CCDC102B: variants seen among roughly 807,000 people sequenced by gnomAD.
CCDC102B encodes coiled-coil domain containing 102B.
Under a neutral mutation model 57.4 loss-of-function variants are expected in CCDC102B, and 75 were observed. The ratio of observed to expected loss-of-function variants is 1.31; its 90% confidence interval spans 1.08 to 1.58. The LOEUF is 1.58. CCDC102B is among the 40% of genes most tolerant of loss of function. The pLI is 0.00. For missense variants in CCDC102B, 636 were observed against 582.6 expected (o/e 1.09, Z -0.94); for synonymous variants, 206 against 201.9 (o/e 1.02, Z -0.17).
At chr18:68,742,660 A>G (rs2033442412) in intron 2 of CCDC102B, among the ~76,000 whole-genome samples, 2 of 152,230 alleles carry the variant, frequency 1.3e-5, no homozygotes, top group African/African-American at 4.8e-5. Context: ...GCTGAAAGAA[A>G]TAATTTTCTC....
intron 6 of CCDC102B, among the ~76,000 whole-genome samples, chr18:68,940,722 C>T (rs1360613804): frequency 6.6e-6 from 1 of 151,736 alleles, no homozygotes; most frequent in African/African-American, 2.4e-5. Context: ...TTTATAATGG[C>T]TATATATATA....
intron 6 of CCDC102B, among the ~76,000 whole-genome samples, chr18:69,009,993 G>T (rs2051464933): frequency 7.9e-6 from 1 of 127,384 alleles, no homozygotes; most frequent in African/African-American, 2.8e-5. Flanking sequence ...GTGCTGTGGC[G>T]CTATCTCGGC....
intron 4 of CCDC102B, among the ~76,000 whole-genome samples, chr18:68,870,204 T>G: frequency 6.6e-6 from 1 of 151,096 alleles, no homozygotes; most frequent in Non-Finnish European, 1.5e-5. Context: ...AGGGGGTGGG[T>G]GGGGGAAAGG....
At chr18:68,850,731 C>T (rs186184826) in intron 4 of CCDC102B, among the ~76,000 whole-genome samples, 1 of 152,000 alleles carries the variant, frequency 6.6e-6, no homozygotes, top group African/African-American at 2.4e-5. Flanking sequence ...CCACGCTTAC[C>T]TCTAGCTACA....
chr18:68,952,247 T>A (rs1404697491), intron 6 of CCDC102B, among the ~76,000 whole-genome samples: 1 of 152,038 alleles, frequency 6.6e-6, no homozygotes, highest in Non-Finnish European at 1.5e-5. Flanking sequence ...TAAATTTAAA[T>A]ATGACAAATT....
At chr18:68,976,552 T>C (rs1276674994) in intron 6 of CCDC102B, among the ~76,000 whole-genome samples, 1 of 152,018 alleles carries the variant, frequency 6.6e-6, no homozygotes, top group Non-Finnish European at 1.5e-5. Flanking sequence ...ATGTCGAATG[T>C]TGGCCACATT....
rs1055514714 is a variant in CCDC102B at position 68,891,915 on chromosome 18, T to C, written c.1054-5304T>C. On this transcript the variant is annotated intron_variant, in intron 5 of 7. Coordinates refer to ENST00000360242, the MANE Select transcript of CCDC102B (RefSeq NM_024781.3). ...ATTGGGGGGTACACAATTCAGTCCA[T>C]AACAGTTGGGTAGGATTTTCCAGGG... 1.3e-5 allele frequency among the ~76,000 whole-genome samples: 2 copies of C among 152,126 alleles called. 1 individual carries two copies. Among genetic ancestry groups the C allele is most frequent in the African/African-American group, 4.8e-5 (2 of 41,432 alleles).
At chr18:68,948,952 C>A (rs1228798934) in intron 6 of CCDC102B, among the ~76,000 whole-genome samples, 2 of 152,096 alleles carry the variant, frequency 1.3e-5, no homozygotes, top group African/African-American at 4.8e-5. Context: ...AATAGGATGT[C>A]TGCAAGCTTG....
At chr18:68,956,932 G>A (rs935227937) in intron 6 of CCDC102B, among the ~76,000 whole-genome samples, 4 of 151,692 alleles carry the variant, frequency 2.6e-5, no homozygotes, top group Non-Finnish European at 4.4e-5. Context: ...GTCTTCTTTT[G>A]AGGAATGTCT....
chr18:68,876,364 G>A (rs780839205), intron 5 of CCDC102B, among the ~76,000 whole-genome samples: 1 of 152,094 alleles, frequency 6.6e-6, no homozygotes, highest in East Asian at 1.9e-4. Context: ...TCAACAGTTT[G>A]GGAGCTGTAC....
chr18:68,817,423 A>AT (rs1231835107), intron 1 of CCDC102B, among the ~76,000 whole-genome samples: 1 of 152,190 alleles, frequency 6.6e-6, no homozygotes, highest in Non-Finnish European at 1.5e-5. Context: ...ATATGCCATC[A>AT]TTTTTTGCAT....
At chr18:68,994,056 G>A (rs2050950198) in intron 6 of CCDC102B, among the ~76,000 whole-genome samples, 1 of 151,906 alleles carries the variant, frequency 6.6e-6, no homozygotes, top group South Asian at 2.1e-4. Context: ...TCTAGCCACT[G>A]GTCTGGCTAA....
rs2037425170 is a variant in CCDC102B, at chr18:68,837,281, A to G, written c.518A>G (p.Gln173Arg). The stretch of plus-strand genomic sequence containing the variant: ...GAAGAATCCTGTGAACATACAGACC[A>G]ATTTCAATTGAGTTCACAAATGCAT... ...FVEESCEHTDQFQLSSQMHES... is the reference protein window; with the variant it reads ...FVEESCEHTDRFQLSSQMHES... The change falls in exon 2 of 8, where the codon CAA (glutamine) becomes CGA (arginine). Residue 173 changes from glutamine (Q) to arginine (R), a missense_variant. Physicochemically the swap from Gln to Arg is conservative, Grantham distance 43. Coordinates refer to ENST00000360242, the MANE Select transcript of CCDC102B (RefSeq NM_024781.3). 15 of 1,614,134 alleles carry G rather than the reference A, an allele frequency of 9.3e-6. No homozygotes were observed. The highest frequency in any genetic ancestry group is 1.2e-5 in the Non-Finnish European group (14 of 1,180,000).
At chr18:68,854,690 T>C (rs572007249) in intron 4 of CCDC102B, among the ~76,000 whole-genome samples, 77 of 152,300 alleles carry the variant, frequency 5.1e-4, no homozygotes, top group African/African-American at 1.8e-3. Context: ...ATTTTTTATG[T>C]ATTTTTTAAG....
chr18:68,768,155 A>G (rs2034527051), intron 2 of CCDC102B, among the ~76,000 whole-genome samples: 1 of 152,174 alleles, frequency 6.6e-6, no homozygotes, highest in Non-Finnish European at 1.5e-5. Context: ...TCAGAGAAGA[A>G]CTTTAAAGAA....
At chr18:68,901,179 G>A (rs2040438221) in intron 6 of CCDC102B, among the ~76,000 whole-genome samples, 1 of 152,158 alleles carries the variant, frequency 6.6e-6, no homozygotes, top group African/African-American at 2.4e-5. Flanking sequence ...GTTACTTGAT[G>A]TGCGTGTGTG....
chr18:68,979,198 T>C (rs2050513329), intron 6 of CCDC102B, among the ~76,000 whole-genome samples: 2 of 152,076 alleles, frequency 1.3e-5, no homozygotes, highest in Admixed American at 6.6e-5. Flanking sequence ...TTCTAATTTA[T>C]ACTTTAAATA....
intron 4 of CCDC102B, among the ~76,000 whole-genome samples, chr18:68,867,589 A>G (rs571689693): frequency 3.9e-5 from 6 of 152,206 alleles, no homozygotes; most frequent in African/African-American, 1.4e-4. Flanking sequence ...TATTGAAAGA[A>G]GAGAGAGGAG....
intron 1 of CCDC102B, among the ~76,000 whole-genome samples, chr18:68,813,743 A>C (rs1022616291): frequency 6.6e-6 from 1 of 150,890 alleles, no homozygotes; most frequent in African/African-American, 2.4e-5. Context: ...GGAACATTGC[A>C]GCAAAGATGA....
Sources: allele counts gnomAD v4.1 joint callset (sites outside exome capture counted in the v4.1 genomes callset), GRCh38; gene constraint gnomAD v4.1.1; transcripts MANE v1.5; gene names NCBI Gene and HGNC (gene_info 2026-07-23, HGNC 2026-07-21).